The following KL variants were observed in gnomAD, a reference collection of about 807,000 sequenced individuals.
KL encodes klotho.
Under a neutral mutation model 84.2 loss-of-function variants are expected in KL, and 62 were observed. The ratio of observed to expected loss-of-function variants is 0.74; its 90% CI spans 0.60 to 0.91. KL has a LOEUF of 0.91. Ranked by LOEUF, KL falls within the 40% of genes least tolerant of loss-of-function variation. KL has a pLI of 0.00. For synonymous variants in KL, 528 were observed against 528.0 expected, an observed-to-expected ratio of 1.00 and a Z score of 0.00; for missense variants, 1,261 against 1,305.7, an observed-to-expected ratio of 0.97 and a Z score of 0.53.
chr13:33,039,230 A>G (rs1356153696), intron 1 of KL, among the ~76,000 whole-genome samples: 1 of 152,180 alleles, frequency 6.6e-6, no homozygotes, highest in Admixed American at 6.5e-5. Flanking sequence ...AACACTGATC[A>G]TTTGTTGCTA....
At position 33,055,484 on chromosome 13, in the gene KL, A is replaced by G. The variant is rs1294813310; in HGVS notation, c.1599+169A>G. The G allele has an allele frequency of 5.7e-5, 42 of 736,620 alleles. 1 individual carries two copies. The East Asian group carries it at 1.1e-3, about 19-fold the overall frequency. 45.6% of individuals were successfully genotyped at this position (736,620 alleles called of 1,614,324 possible). On this transcript the variant is annotated intron_variant, in intron 3 of 4. Transcript: ENST00000380099. ...TTTGGAATGCTGCACCCTTCTCTCCAAAACTCTTCCAATCTTCATCTTGTT... is the reference window on the plus strand; with the variant it reads ...TTTGGAATGCTGCACCCTTCTCTCCGAAACTCTTCCAATCTTCATCTTGTT...
At chr13:33,053,721 C>A (rs9536313) in intron 1 of KL, 46 bp from the exon 2 acceptor site, 11 of 1,581,240 alleles carry the variant, frequency 7.0e-6, no homozygotes, top group Non-Finnish European at 9.6e-6. Flanking sequence ...TATTGCATTT[C>A]TCCTCACAAC....
At chr13:33,038,523 A>G (rs915084843) in intron 1 of KL, among the ~76,000 whole-genome samples, 7 of 152,340 alleles carry the variant, frequency 4.6e-5, no homozygotes, top group African/African-American at 1.7e-4. Flanking sequence ...AGAGTTCCAG[A>G]TGATTTGATG....
intron 1 of KL, among the ~76,000 whole-genome samples, chr13:33,029,872 A>T (rs1318302285): frequency 6.6e-6 from 1 of 151,322 alleles, no homozygotes; most frequent in East Asian, 1.9e-4. Flanking sequence ...TGACCTTGTG[A>T]TCCACTCACC....
chr13:33,061,723 G>C lies in KL; in HGVS notation c.2644G>C (p.Glu882Gln). 6.2e-7 allele frequency: 1 copy of C among 1,614,030 alleles called. No homozygotes were observed. Among genetic ancestry groups the C allele is most frequent in the Admixed American group, 1.7e-5 (1 of 60,030 alleles). The change falls in exon 4 of 5, where the codon GAG becomes CAG. Residue 882 changes from glutamate (E) to glutamine (Q), a missense_variant. Physicochemically the swap from Glu to Gln is conservative, Grantham distance 29. Coordinates refer to ENST00000380099, the MANE Select transcript of KL (RefSeq NM_004795.4). ...SNGIDDGLHA[E>Q]DDQLRVYYMQ... Reference sequence around the variant, plus strand: ...TGGAATCGATGACGGGCTGCATGCTGAGGACGACCAGCTGAGGGTGTATTA... The same window carrying C: ...TGGAATCGATGACGGGCTGCATGCTCAGGACGACCAGCTGAGGGTGTATTA...
intron 1 of KL, among the ~76,000 whole-genome samples, chr13:33,021,279 A>C (rs1870564885): frequency 1.3e-5 from 2 of 152,258 alleles, no homozygotes; most frequent in African/African-American, 4.8e-5. Flanking sequence ...AGGTAAACAT[A>C]ACGTGGCAGA....
At chr13:33,038,569 T>G (rs1468373528) in intron 1 of KL, among the ~76,000 whole-genome samples, 1 of 152,224 alleles carries the variant, frequency 6.6e-6, no homozygotes, top group Non-Finnish European at 1.5e-5. Context: ...TGGTGGAGAA[T>G]AATTTAATCA....
chr13:33,047,360 T>C (rs1871574475), intron 1 of KL, among the ~76,000 whole-genome samples: 1 of 151,710 alleles, frequency 6.6e-6, no homozygotes, highest in South Asian at 2.1e-4. Context: ...TACTTTCTTT[T>C]TTTTTTTTTT....
At chr13:33,060,487 C>T (rs754241875) in intron 3 of KL, among the ~76,000 whole-genome samples, 192 bp from the exon 4 acceptor site, 26 of 152,120 alleles carry the variant, frequency 1.7e-4, no homozygotes, top group Non-Finnish European at 2.5e-4. Context: ...ATGGGTAAAG[C>T]GAGTGTGCAT....
At position 33,016,947 on chromosome 13, in the gene KL, G is replaced by A. The variant is rs758576718; in HGVS notation, c.507G>A (p.Gly169=). ...GCGCGGGCGTCCCCAACCGCGAGGG[G>A]CTGCGCTACTACCGGCGCCTGCTGG... ...NGSAGVPNRE[G]LRYYRRLLER... Residue 169 remains glycine, a synonymous_variant, in exon 1 of 5, where the codon GGG becomes GGA. Coordinates refer to ENST00000380099, the MANE Select transcript of KL (RefSeq NM_004795.4). The A allele has an allele frequency of 1.7e-5, 28 of 1,606,636 alleles. No homozygotes were observed. In the Middle Eastern group the frequency reaches 5.0e-4, roughly 29 times the overall value.
intron 1 of KL, among the ~76,000 whole-genome samples, chr13:33,024,035 G>A (rs1272595941): frequency 6.6e-6 from 1 of 152,136 alleles, no homozygotes; most frequent in Non-Finnish European, 1.5e-5. Flanking sequence ...TATTGAACCT[G>A]CTGCTGCACA....
At chr13:33,055,386 A>C (rs768399054) in intron 3 of KL, 71 bp downstream of exon 3, 1 of 1,590,210 alleles carries the variant, frequency 6.3e-7, no homozygotes, top group South Asian at 1.1e-5. Context: ...CTTCCTTCCT[A>C]GGCTGATTGT....
Position 33,040,917 on chromosome 13 carries a change from A to G in KL, c.820-12850A>G, listed in dbSNP as rs547775947. 4.6e-5 allele frequency among the ~76,000 whole-genome samples: 7 copies of G among 152,228 alleles called. No individual in the cohort carries two copies. The East Asian group carries it at 9.7e-4, about 21-fold the overall frequency. ...CCTCACATGCAACATGTAACATCCAATTCATCAGCAGGTTCTACAGATTCT... is the reference window on the plus strand; with the variant it reads ...CCTCACATGCAACATGTAACATCCAGTTCATCAGCAGGTTCTACAGATTCT... On this transcript the variant is annotated intron_variant, in intron 1 of 4. Coordinates refer to ENST00000380099, the MANE Select transcript of KL (RefSeq NM_004795.4).
rs1190257720 is a variant in KL, at chr13:33,016,969, C to T, written c.529C>T (p.Leu177=). The T allele has an allele frequency of 1.3e-6, 2 of 1,598,388 alleles. No individual in the cohort carries two copies. Among genetic ancestry groups the T allele is most frequent in the South Asian group, 1.1e-5 (1 of 89,906 alleles). ...GGGGCTGCGCTACTACCGGCGCCTG[C>T]TGGAGCGGCTGCGGGAGCTGGGCGT... ...REGLRYYRRL[L]ERLRELGVQP... is the part of the protein sequence containing the mutation. Residue 177 remains leucine, a synonymous_variant, in exon 1 of 5, where the codon CTG becomes TTG. Transcript: ENST00000380099.
In KL at chr13:33,053,953, G is replaced by C; in HGVS notation, c.1006G>C (p.Asp336His). Residue 336 changes from aspartate to histidine, a missense_variant, in exon 2 of 5, where the codon GAC becomes CAC. Transcript: ENST00000380099. ...WFAKPVFIDG[D>H]YPESMKNNLS... Reference sequence around the variant, plus strand: ...TGCCAAACCCGTATTTATTGATGGTGACTATCCCGAGAGCATGAAGAATAA... The same window carrying C: ...TGCCAAACCCGTATTTATTGATGGTCACTATCCCGAGAGCATGAAGAATAA... 1 of 1,614,050 alleles carries C rather than the reference G, an allele frequency of 6.2e-7. No individual in the cohort carries two copies. The highest frequency in any genetic ancestry group is 8.5e-7 in the Non-Finnish European group (1 of 1,179,958).
Position 33,055,118 on chromosome 13 carries a change from A to G in KL, c.1402A>G (p.Arg468Gly). 6.2e-7 allele frequency: 1 copy of G among 1,614,214 alleles called. No homozygotes were observed. Residue 468 changes from arginine (R) to glycine (G), a missense_variant, in exon 3 of 5, where the codon AGA becomes GGA. Coordinates refer to ENST00000380099, the MANE Select transcript of KL (RefSeq NM_004795.4). ...CCTCATGGATGGTTTCGAGTGGCAC[A>G]GAGGTTACAGCATCAGGCGTGGACT... is the stretch of plus-strand genomic sequence containing the variant. ...WSLMDGFEWH[R>G]GYSIRRGLFY...
chr13:33,047,936 G>A lies in KL; in HGVS notation c.820-5831G>A, dbSNP rs149679561. ...TATTGTTAATCCCATTCAAAAATTT[G>A]TTTATTTCGCTTTTCAGTTCTAGAA... On this transcript the variant is annotated intron_variant, in intron 1 of 4. Transcript: ENST00000380099. Among the ~76,000 whole-genome samples the A allele has an allele frequency of 1.0e-3, 158 of 151,796 alleles. 1 individual carries two copies. Among genetic ancestry groups the A allele is most frequent in the African/African-American group, 3.7e-3 (152 of 41,444 alleles).
chr13:33,031,178 T>G (rs912654198), intron 1 of KL, among the ~76,000 whole-genome samples: 1 of 152,200 alleles, frequency 6.6e-6, no homozygotes, highest in Non-Finnish European at 1.5e-5. Context: ...TCATGTTTCC[T>G]AAGAAGCTAA....
chr13:33,034,402 G>A (rs1202496188), intron 1 of KL, among the ~76,000 whole-genome samples: 2 of 152,114 alleles, frequency 1.3e-5, no homozygotes, highest in African/African-American at 2.4e-5. Flanking sequence ...TTTTTAACTT[G>A]TAGAAAACTG....
Sources: allele counts gnomAD v4.1 joint callset (sites outside exome capture counted in the v4.1 genomes callset), GRCh38; gene constraint gnomAD v4.1.1; transcripts MANE v1.5; gene names NCBI Gene and HGNC (gene_info 2026-07-23, HGNC 2026-07-21).